The following MYO16 variants were observed in gnomAD, a reference collection of about 807,000 sequenced individuals.
MYO16 encodes myosin XVI.
Under a neutral mutation model 205.3 loss-of-function variants are expected in MYO16, and 94 were observed. That is an observed-to-expected ratio of 0.46 (90% CI 0.39 to 0.54). The LOEUF is 0.54. Among genes scored for constraint, MYO16 ranks in the 20% least tolerant of loss-of-function variants. The pLI, the probability that MYO16 is intolerant of heterozygous loss-of-function variation, is 0.00. For synonymous variants in MYO16, 988 were observed against 954.0 expected (o/e 1.04, Z -0.66); for missense variants, 2,315 against 2,387.5 (o/e 0.97, Z 0.63).
At chr13:108,644,882 T>G (rs1385887811) in intron 1 of MYO16, among the ~76,000 whole-genome samples, 1 of 152,022 alleles carries the variant, frequency 6.6e-6, no homozygotes, top group Admixed American at 6.6e-5. Flanking sequence ...TGGTTAAGAG[T>G]GTTTGATGAA....
At chr13:109,167,453 A>G (rs1878727639) in intron 33 of MYO16, 3 of 152,370 alleles carry the variant, frequency 2.0e-5, no homozygotes, top group Admixed American at 1.3e-4. Context: ...CTGGAGACAG[A>G]AAACAGCTGA....
rs139778869 is a variant in MYO16, at chr13:108,652,293, G to T, written c.29-13593G>T. ...CTAGCAAATACTTTTGTAAAATAGG[G>T]TAAACAATAAGTTTGTGACTACATT... is the stretch of plus-strand genomic sequence containing the variant. On this transcript the variant is annotated intron_variant, in intron 1 of 34. Coordinates refer to ENST00000457511, the MANE Select transcript of MYO16 (RefSeq NM_001198950.3). Among the ~76,000 whole-genome samples the T allele has an allele frequency of 6.8e-3, 1,042 of 152,246 alleles. 8 individuals are homozygous for T. Among genetic ancestry groups the T allele is most frequent in the African/African-American group, 0.024 (990 of 41,530 alleles).
chr13:108,857,888 C>A (rs558986478), intron 11 of MYO16, among the ~76,000 whole-genome samples: 1 of 152,326 alleles, frequency 6.6e-6, no homozygotes, highest in Admixed American at 6.5e-5. Flanking sequence ...ATTAATACTA[C>A]TCTCTGCTTT....
rs757488627 is a variant in MYO16, at chr13:108,638,213, C to T, written c.28+8341C>T. Among the ~76,000 whole-genome samples the T allele has an allele frequency of 3.3e-5, 5 of 152,104 alleles. No homozygotes were observed. The East Asian group carries it at 7.7e-4, about 23-fold the overall frequency. ...TGCCACACAGAGGGAACAGCAAGTT[C>T]GAAGACCCTGAGGCAGGAATGAGCA... On this transcript the variant is annotated intron_variant, in intron 1 of 34. Transcript: ENST00000457511.
intron 6 of MYO16, among the ~76,000 whole-genome samples, chr13:108,796,952 A>G (rs1277380107): frequency 6.7e-6 from 1 of 149,420 alleles, no homozygotes; most frequent in Non-Finnish European, 1.5e-5. Flanking sequence ...TAAAATTAAA[A>G]AAAAAGAACT....
chr13:108,997,867 G>A (rs1010260968), intron 21 of MYO16, among the ~76,000 whole-genome samples: 22 of 152,092 alleles, frequency 1.4e-4, no homozygotes, highest in Non-Finnish European at 1.8e-4. Flanking sequence ...ATTGTGATAC[G>A]TAATTTATCT....
chr13:109,192,198 T>TG (rs1879950983), intron 34 of MYO16, among the ~76,000 whole-genome samples: 1 of 152,218 alleles, frequency 6.6e-6, no homozygotes, highest in Non-Finnish European at 1.5e-5. Flanking sequence ...AGATGAGCTG[T>TG]GATATTGGAA....
In MYO16 at chr13:108,785,615, AT is replaced by A. The variant is rs754199305; in HGVS notation, c.508-13del. 62 of 1,484,990 alleles carry A rather than the reference AT, an allele frequency of 4.2e-5. No homozygotes were observed. The highest frequency in any genetic ancestry group is 5.5e-5 in the Non-Finnish European group (60 of 1,086,278). 92.0% of individuals were successfully genotyped at this position (1,484,990 alleles called of 1,614,324 possible). On this transcript the variant is annotated intron_variant, in intron 4 of 34. Transcript: ENST00000457511. ...ATTTAAACAGTATATATGATGTTAT[AT>A]TTTTTTCTTTTTATCTAGGCTGGAG...
chr13:108,886,519 G>GA, intron 13 of MYO16: 5 of 455,934 alleles, frequency 1.1e-5, no homozygotes, highest in South Asian at 7.7e-5. Context: ...GAGGGGTCCT[G>GA]AAGCAGGGTG....
At chr13:108,633,640 A>G (rs532478617) in intron 1 of MYO16, among the ~76,000 whole-genome samples, 18 of 152,302 alleles carry the variant, frequency 1.2e-4, no homozygotes, top group African/African-American at 4.3e-4. Flanking sequence ...CACACCCAGG[A>G]ACAATACTTT....
At position 108,636,346 on chromosome 13, in the gene MYO16, CTTTTTTTTTTTTTTTTTTTTT is replaced by C. The variant is rs71125326; in HGVS notation, c.28+6478_28+6498del. 2.0e-3 allele frequency among the ~76,000 whole-genome samples: 163 copies of C among 81,332 alleles called. 2 individuals are homozygous for C. In the East Asian group the frequency reaches 0.021, roughly 11 times the overall value. 53.4% of individuals were successfully genotyped at this position (81,332 alleles called of 152,430 possible). A position where few individuals can be genotyped will look rare whatever the true frequency, so the allele number is the denominator to read the frequency against. Reference sequence around the variant, plus strand: ...TAGTCTTAAATGAAAAAATATTTCCCTTTTTTTTTTTTTTTTTTTTTTTTGTGTGTGTGTGTGTGTGTGTGT... The same window carrying C: ...TAGTCTTAAATGAAAAAATATTTCCCTTTGTGTGTGTGTGTGTGTGTGTGT... On this transcript the variant is annotated intron_variant, in intron 1 of 34. Transcript: ENST00000457511.
chr13:108,700,005 T>G (rs901536934), intron 2 of MYO16, among the ~76,000 whole-genome samples: 9 of 152,000 alleles, frequency 5.9e-5, no homozygotes, highest in Non-Finnish European at 1.2e-4. Flanking sequence ...TTTTCAGGAC[T>G]TTGGAGATTA....
At chr13:108,664,069 G>A (rs116698517) in intron 1 of MYO16, among the ~76,000 whole-genome samples, 1,637 of 152,260 alleles carry the variant, frequency 0.011, 33 homozygotes, top group African/African-American at 0.037. Context: ...ATTTGTCATC[G>A]TTTCAGAACC....
chr13:108,877,779 C>T (rs1879395452), intron 12 of MYO16, among the ~76,000 whole-genome samples: 1 of 152,090 alleles, frequency 6.6e-6, no homozygotes, highest in Admixed American at 6.5e-5. Context: ...ACTTCTCTGT[C>T]TTTGCTTATT....
At chr13:108,723,903 C>A (rs1266337367) in intron 3 of MYO16, among the ~76,000 whole-genome samples, 1 of 151,988 alleles carries the variant, frequency 6.6e-6, no homozygotes, top group Non-Finnish European at 1.5e-5. Flanking sequence ...ATCTACAGAT[C>A]AATTTGGGAA....
intron 10 of MYO16, among the ~76,000 whole-genome samples, chr13:108,845,466 C>T (rs573881743): frequency 1.8e-4 from 28 of 151,972 alleles, no homozygotes; most frequent in African/African-American, 6.3e-4. Flanking sequence ...CCTTGCAGGG[C>T]GGACAGCAGG....
At chr13:108,791,951 G>A (rs1271280281) in intron 5 of MYO16, among the ~76,000 whole-genome samples, 1 of 152,242 alleles carries the variant, frequency 6.6e-6, no homozygotes, top group East Asian at 1.9e-4. Flanking sequence ...AATCAGATAA[G>A]AGACAAAGTG....
At chr13:109,053,591 G>A (rs537995156) in intron 25 of MYO16, among the ~76,000 whole-genome samples, 3 of 151,974 alleles carry the variant, frequency 2.0e-5, no homozygotes, top group East Asian at 1.9e-4. Context: ...TAAACATTAC[G>A]AAGCCTAGGT....
intron 11 of MYO16, among the ~76,000 whole-genome samples, chr13:108,856,547 C>G (rs573405983): frequency 3.7e-4 from 57 of 152,164 alleles, no homozygotes; most frequent in Non-Finnish European, 6.6e-4. Flanking sequence ...GTGGTGAGAG[C>G]TGATTACTTT....
Sources: allele counts gnomAD v4.1 joint callset (sites outside exome capture counted in the v4.1 genomes callset), GRCh38; gene constraint gnomAD v4.1.1; transcripts MANE v1.5; gene names NCBI Gene and HGNC (gene_info 2026-07-23, HGNC 2026-07-21).